The following NOS1AP variants were observed in gnomAD, a reference collection of about 807,000 sequenced individuals.
The protein encoded by NOS1AP is nitric oxide synthase 1 adaptor protein.
In NOS1AP, 21 loss-of-function variants were observed where a neutral mutation model predicts 56.2. The ratio of observed to expected loss-of-function variants is 0.37; its 90% CI spans 0.26 to 0.54. The LOEUF is 0.54. Among genes scored for constraint, NOS1AP ranks in the 20% least tolerant of loss-of-function variants. The probability of loss-of-function intolerance (pLI) is 0.84; values close to 1 mark genes in which losing one functional copy is unlikely to be tolerated. For synonymous variants in NOS1AP, 270 were observed against 274.6 expected (o/e 0.98, Z 0.17); for missense variants, 522 against 657.8 (o/e 0.79, Z 2.26).
At chr1:162,247,371 C>G (rs1009586518) in intron 2 of NOS1AP, among the ~76,000 whole-genome samples, 7 of 152,124 alleles carry the variant, frequency 4.6e-5, no homozygotes, top group Admixed American at 6.6e-5. Flanking sequence ...GAAGGAACTG[C>G]ATTCTCTTTT....
intron 4 of NOS1AP, among the ~76,000 whole-genome samples, chr1:162,307,184 C>CA (rs1313717920): frequency 4.2e-4 from 64 of 152,238 alleles, no homozygotes; most frequent in African/African-American, 1.5e-3. Flanking sequence ...TTATGGAAGT[C>CA]ACTGTGCTTT....
chr1:162,314,428 G>A lies in NOS1AP; in HGVS notation c.344+13722G>A, dbSNP rs77554863. On this transcript the variant is annotated intron_variant, in intron 4 of 9. Transcript: ENST00000361897. ...TATGGAGAAAGTAACAGGGGAGCAG[G>A]GAAACAGGCTGGTCACAGTTCTACA... Among the ~76,000 whole-genome samples, 321 of 152,350 alleles carry A rather than the reference G, an allele frequency of 2.1e-3. 3 individuals are homozygous for A. The highest frequency in any genetic ancestry group is 7.1e-3 in the African/African-American group (296 of 41,580).
intron 2 of NOS1AP, among the ~76,000 whole-genome samples, chr1:162,222,271 A>G (rs1487396224): frequency 1.3e-5 from 2 of 152,238 alleles, no homozygotes; most frequent in Non-Finnish European, 2.9e-5. Context: ...GCATGGCAGT[A>G]TACAAGGAGC....
intron 1 of NOS1AP, among the ~76,000 whole-genome samples, chr1:162,106,068 C>T (rs940242764): frequency 9.2e-5 from 14 of 152,314 alleles, no homozygotes; most frequent in Admixed American, 5.2e-4. Context: ...GGCTGCTCTG[C>T]TGAGATTCCA....
intron 3 of NOS1AP, among the ~76,000 whole-genome samples, chr1:162,296,636 G>A (rs1655470817): frequency 6.6e-6 from 1 of 152,142 alleles, no homozygotes; most frequent in Non-Finnish European, 1.5e-5. Flanking sequence ...AGGGGCCCTG[G>A]GAGCCTGGTT....
intron 1 of NOS1AP, among the ~76,000 whole-genome samples, chr1:162,105,449 G>A (rs1014259302): frequency 6.6e-6 from 1 of 152,220 alleles, no homozygotes; most frequent in African/African-American, 2.4e-5. Flanking sequence ...GCTGCATTAG[G>A]GGGGTACCAT....
chr1:162,337,855 A>G (rs1408890418), intron 5 of NOS1AP, among the ~76,000 whole-genome samples: 3 of 152,232 alleles, frequency 2.0e-5, no homozygotes, highest in African/African-American at 7.2e-5. Flanking sequence ...AAAGCCACAA[A>G]ATAATGTGTT....
At chr1:162,347,374 A>C (rs531429206) in intron 6 of NOS1AP, among the ~76,000 whole-genome samples, 1 of 152,360 alleles carries the variant, frequency 6.6e-6, no homozygotes. Flanking sequence ...TCTCTGGTGA[A>C]GACACCTATT....
At chr1:162,261,683 T>A (rs999535574) in intron 2 of NOS1AP, among the ~76,000 whole-genome samples, 1 of 152,112 alleles carries the variant, frequency 6.6e-6, no homozygotes, top group Non-Finnish European at 1.5e-5. Context: ...ATTCCCCCCA[T>A]AGCCTCCAGA....
At chr1:162,125,538 C>G (rs1333253960) in intron 1 of NOS1AP, among the ~76,000 whole-genome samples, 1 of 152,046 alleles carries the variant, frequency 6.6e-6, no homozygotes, top group Admixed American at 6.5e-5. Context: ...GGTGTCCTTT[C>G]CCCGAGGTAT....
chr1:162,215,213 C>G (rs1652523821), intron 2 of NOS1AP, among the ~76,000 whole-genome samples: 1 of 152,226 alleles, frequency 6.6e-6, no homozygotes, highest in Non-Finnish European at 1.5e-5. Context: ...CACCCCTAGC[C>G]TCGGGGCCCG....
intron 1 of NOS1AP, among the ~76,000 whole-genome samples, chr1:162,118,712 T>C (rs1481033180): frequency 6.6e-6 from 1 of 152,244 alleles, no homozygotes. Flanking sequence ...CATTATGTTT[T>C]GAATATATAT....
intron 2 of NOS1AP, among the ~76,000 whole-genome samples, chr1:162,157,848 G>A (rs1650036630): frequency 6.6e-6 from 1 of 152,154 alleles, no homozygotes; most frequent in South Asian, 2.1e-4. Flanking sequence ...AGGACTCTGA[G>A]CTAAATATCT....
chr1:162,272,975 G>C (rs1176588280), intron 2 of NOS1AP, among the ~76,000 whole-genome samples: 1 of 151,946 alleles, frequency 6.6e-6, no homozygotes, highest in Non-Finnish European at 1.5e-5. Context: ...CCATGACTTG[G>C]TACCATAGCA....
intron 2 of NOS1AP, 34 bp from the exon 3 acceptor site, chr1:162,287,310 T>C (rs1230933519): frequency 6.8e-7 from 1 of 1,467,042 alleles, no homozygotes; most frequent in Non-Finnish European, 9.6e-7. Context: ...TCTCATCAGA[T>C]TGCACTTTCT....
At chr1:162,308,354 T>C (rs974176080) in intron 4 of NOS1AP, among the ~76,000 whole-genome samples, 3 of 152,020 alleles carry the variant, frequency 2.0e-5, no homozygotes, top group African/African-American at 7.3e-5. Flanking sequence ...GTAAGAGACA[T>C]AGAGTATGTG....
At position 162,287,437 on chromosome 1, in the gene NOS1AP, G is replaced by A. The variant is rs759264839; in HGVS notation, c.270+1G>A. On this transcript the variant is annotated splice_donor_variant, in intron 3 of 9. Transcript: ENST00000361897. LOFTEE classifies it high-confidence loss of function. Reference sequence around the variant, plus strand: ...AGTGATTCTGAAGAAGAAGAAAAAGGTAAGTGGCTCTGAACCAGAATCTGA... The same window carrying A: ...AGTGATTCTGAAGAAGAAGAAAAAGATAAGTGGCTCTGAACCAGAATCTGA... 6.2e-7 allele frequency: 1 copy of A among 1,603,004 alleles called. No homozygotes were observed. The highest frequency in any genetic ancestry group is 1.1e-5 in the South Asian group (1 of 90,838).
intron 2 of NOS1AP, among the ~76,000 whole-genome samples, chr1:162,220,088 T>C (rs539427639): frequency 3.2e-4 from 49 of 152,296 alleles, no homozygotes; most frequent in African/African-American, 1.1e-3. Flanking sequence ...AACACCATCA[T>C]ACCCGGCTAA....
At chr1:162,163,346 C>G (rs747090785) in intron 2 of NOS1AP, among the ~76,000 whole-genome samples, 1 of 152,126 alleles carries the variant, frequency 6.6e-6, no homozygotes, top group Non-Finnish European at 1.5e-5. Flanking sequence ...TCAATGCTTT[C>G]TTAGGGGGCG....
Sources: gnomAD v4.1 joint callset for allele counts (sites outside exome capture counted in the v4.1 genomes callset) on GRCh38, gnomAD v4.1.1 for gene constraint, MANE v1.5 for transcripts, NCBI Gene and HGNC (gene_info 2026-07-23, HGNC 2026-07-21) for gene names.